The following DIS3L2 variants were observed in gnomAD, a reference collection of about 807,000 sequenced individuals.
DIS3L2 encodes DIS3-like exonuclease 2.
DIS3L2 carries 34 observed loss-of-function variants against 97.5 expected under a neutral mutation model. The ratio of observed to expected loss-of-function variants is 0.35; its 90% CI spans 0.27 to 0.46. The LOEUF (loss-of-function observed/expected upper bound fraction) is 0.46. Ranked by LOEUF, DIS3L2 falls within the 20% of genes least tolerant of loss-of-function variation. The pLI is 1.00. For synonymous variants in DIS3L2, 435 were observed against 445.2 expected, an observed-to-expected ratio of 0.98 and a Z score of 0.29; for missense variants, 1,038 against 1,146.0, an observed-to-expected ratio of 0.91 and a Z score of 1.36.
chr2:232,119,621 A>T (rs1310477881), intron 6 of DIS3L2, among the ~76,000 whole-genome samples: 2 of 152,242 alleles, frequency 1.3e-5, no homozygotes, highest in Non-Finnish European at 2.9e-5. Context: ...CTCCTGGGCA[A>T]GAGAAAGATT....
chr2:232,005,170 ATTT>A (rs55757645), intron 1 of DIS3L2, among the ~76,000 whole-genome samples: 10 of 126,558 alleles, frequency 7.9e-5, no homozygotes, highest in African/African-American at 2.9e-4. Context: ...AAGAATCTTG[ATTT>A]TTTTTTTTTT....
At chr2:232,083,875 C>T (rs1027524526) in intron 5 of DIS3L2, among the ~76,000 whole-genome samples, 1 of 152,150 alleles carries the variant, frequency 6.6e-6, no homozygotes, top group Non-Finnish European at 1.5e-5. Context: ...CAGAACTTCT[C>T]TCTCTGAGAT....
chr2:232,098,604 T>G (rs1697099970), intron 6 of DIS3L2, among the ~76,000 whole-genome samples: 1 of 152,214 alleles, frequency 6.6e-6, no homozygotes, highest in South Asian at 2.1e-4. Flanking sequence ...TCCACCTGCC[T>G]TGGCCTCCCA....
intron 16 of DIS3L2, 30 bp downstream of exon 16, chr2:232,330,806 G>T (rs1393121621): frequency 6.3e-7 from 1 of 1,596,946 alleles, no homozygotes. Flanking sequence ...GGCCTCCCCT[G>T]CTCCCAGGAG....
At chr2:232,238,739 G>C (rs919525901) in intron 11 of DIS3L2, 94 bp downstream of exon 11, 1 of 1,166,442 alleles carries the variant, frequency 8.6e-7, no homozygotes, top group Non-Finnish European at 1.2e-6. Context: ...ATGTTCTCCG[G>C]AAAGAGAAGC....
intron 12 of DIS3L2, among the ~76,000 whole-genome samples, chr2:232,253,245 A>G (rs569784834): frequency 3.2e-4 from 48 of 152,380 alleles, no homozygotes; most frequent in African/African-American, 1.1e-3. Flanking sequence ...ATTGGAGTGC[A>G]ATAGCCACAG....
intron 5 of DIS3L2, among the ~76,000 whole-genome samples, chr2:232,086,650 T>TATATACAC (rs1696648965): frequency 4.1e-5 from 2 of 48,646 alleles, no homozygotes; most frequent in African/African-American, 2.5e-4. Flanking sequence ...TATATGTATA[T>TATATACAC]ATATATATAT....
chr2:232,050,263 T>C (rs549082863), intron 5 of DIS3L2, among the ~76,000 whole-genome samples: 1 of 152,102 alleles, frequency 6.6e-6, no homozygotes, highest in Non-Finnish European at 1.5e-5. Context: ...CTCCACTTAG[T>C]TGTAGACATT....
At chr2:232,136,924 A>G (rs968907913) in intron 8 of DIS3L2, among the ~76,000 whole-genome samples, 2 of 152,218 alleles carry the variant, frequency 1.3e-5, no homozygotes, top group African/African-American at 4.8e-5. Context: ...CCAGGCAGTC[A>G]CATTCTTGTT....
At chr2:232,017,529 A>G (rs934240749) in intron 3 of DIS3L2, among the ~76,000 whole-genome samples, 2 of 152,182 alleles carry the variant, frequency 1.3e-5, no homozygotes. Context: ...TGTTCAGCCC[A>G]TATCCCAAAC....
intron 9 of DIS3L2, among the ~76,000 whole-genome samples, chr2:232,207,031 A>G (rs1692045116): frequency 6.6e-6 from 1 of 152,340 alleles, no homozygotes; most frequent in Non-Finnish European, 1.5e-5. Flanking sequence ...CAACCCTCCA[A>G]GTAACCTAGT....
At chr2:232,014,189 C>T (rs1272302347) in intron 1 of DIS3L2, among the ~76,000 whole-genome samples, 1 of 152,232 alleles carries the variant, frequency 6.6e-6, no homozygotes, top group Non-Finnish European at 1.5e-5. Flanking sequence ...TCTTATATTC[C>T]TTAGATACAG....
At chr2:232,336,184 G>A (rs1339166429) in intron 20 of DIS3L2, 10 of 1,533,438 alleles carry the variant, frequency 6.5e-6, no homozygotes, top group African/African-American at 4.1e-5. Flanking sequence ...TTACACCCAA[G>A]AAATTGTCTG....
intron 14 of DIS3L2, among the ~76,000 whole-genome samples, chr2:232,316,124 T>C (rs1197834402): frequency 2.0e-5 from 3 of 152,112 alleles, no homozygotes; most frequent in Non-Finnish European, 4.4e-5. Context: ...GTCTGTGTGT[T>C]CGCGAGCCCT....
At chr2:231,988,166 T>A (rs1290975650) in intron 1 of DIS3L2, among the ~76,000 whole-genome samples, 1 of 152,228 alleles carries the variant, frequency 6.6e-6, no homozygotes, top group African/African-American at 2.4e-5. Context: ...TTGTTTTCTC[T>A]GCTGTCTACC....
chr2:232,016,952 T>A (rs1219322496), intron 3 of DIS3L2, among the ~76,000 whole-genome samples: 1 of 134,570 alleles, frequency 7.4e-6, no homozygotes, highest in Non-Finnish European at 1.6e-5. Flanking sequence ...CTTCCTTCCT[T>A]CCTTCACCTT....
At chr2:232,216,744 T>C (rs931739646) in intron 10 of DIS3L2, among the ~76,000 whole-genome samples, 1 of 152,082 alleles carries the variant, frequency 6.6e-6, no homozygotes, top group Non-Finnish European at 1.5e-5. Context: ...GAAGAGTTGA[T>C]CGTTTTGCAG....
intron 11 of DIS3L2, among the ~76,000 whole-genome samples, chr2:232,246,613 C>T (rs1693255356): frequency 6.6e-6 from 1 of 152,206 alleles, no homozygotes; most frequent in African/African-American, 2.4e-5. Context: ...AAGCGGTGGG[C>T]CCAGGATTAG....
rs72992316 is a variant in DIS3L2 at position 232,183,056 on chromosome 2, C to T, written c.1124+19424C>T. 8.6e-3 allele frequency among the ~76,000 whole-genome samples: 1,315 copies of T among 152,230 alleles called. 9 individuals are homozygous for T. The highest frequency in any genetic ancestry group is 0.015 in the Admixed American group (229 of 15,284). On this transcript the variant is annotated intron_variant, in intron 9 of 20. Coordinates refer to ENST00000325385, the MANE Select transcript of DIS3L2 (RefSeq NM_152383.5). ...AAGTCAAGGGTAGAGCCCTCATGAA[C>T]GGGATTAGTGCCCTTATAAAAAGAA...
Sources: gnomAD v4.1 joint callset for allele counts (sites outside exome capture counted in the v4.1 genomes callset) on GRCh38, gnomAD v4.1.1 for gene constraint, MANE v1.5 for transcripts, NCBI Gene and HGNC (gene_info 2026-07-23, HGNC 2026-07-21) for gene names.